AK2: variants seen among roughly 807,000 people sequenced by gnomAD.
AK2 encodes the protein adenylate kinase 2, mitochondrial.
AK2 carries 15 observed loss-of-function variants against 24.6 expected under a neutral mutation model. That is an observed-to-expected ratio of 0.61 (90% CI 0.41 to 0.94). The LOEUF is 0.94. AK2 is among the 40% of genes least tolerant of loss of function. The pLI is 0.00. For missense variants in AK2, 257 were observed against 304.1 expected (o/e 0.85, Z 1.15); for synonymous variants, 102 against 114.0 (o/e 0.90, Z 0.67).
chr1:33,033,342 A>G (rs868568300), intron 1 of AK2, among the ~76,000 whole-genome samples: 1 of 152,094 alleles, frequency 6.6e-6, no homozygotes. Flanking sequence ...GCAACATGGC[A>G]GGACCCCCAT....
intron 5 of AK2, among the ~76,000 whole-genome samples, chr1:33,013,884 T>C (rs1318287207): frequency 2.0e-5 from 3 of 152,202 alleles, no homozygotes; most frequent in Non-Finnish European, 4.4e-5. Flanking sequence ...GAACTTTCAA[T>C]GGTAGAATTA....
chr1:33,014,726 CA>C, intron 4 of AK2, 132 bp from the exon 5 acceptor site: 1 of 759,930 alleles, frequency 1.3e-6, no homozygotes. Flanking sequence ...GCAGAAAATC[CA>C]GCTAAATAAC....
Position 33,013,102 on chromosome 1 carries a change from G to A in AK2, c.*79C>T. On this transcript the variant is annotated 3_prime_UTR_variant, in exon 6 of 6. Transcript: ENST00000672715. ...CAAATGATATTTTTGCTAGCCTGAGGAAGCTTCTCTTTGCCTGTCCTATCA... is the reference window on the plus strand; with the variant it reads ...CAAATGATATTTTTGCTAGCCTGAGAAAGCTTCTCTTTGCCTGTCCTATCA... 1.2e-6 allele frequency: 2 copies of A among 1,612,650 alleles called. No homozygotes were observed. The highest frequency in any genetic ancestry group is 1.3e-5 in the African/African-American group (1 of 75,020).
chr1:33,011,298 C>A lies in AK2; in HGVS notation c.*1883G>T. 1 of 1,291,106 alleles carries A rather than the reference C, an allele frequency of 7.7e-7. No individual in the cohort carries two copies. The highest frequency in any genetic ancestry group is 1.5e-5 in the African/African-American group (1 of 66,108). 80.0% of individuals were successfully genotyped at this position (1,291,106 alleles called of 1,614,324 possible). On this transcript the variant is annotated 3_prime_UTR_variant, in exon 6 of 6. Coordinates refer to ENST00000672715, the MANE Select transcript of AK2 (RefSeq NM_001625.4). ...TCCCAGACCAGGCACACATAGCTGA[C>A]AGTTTTTGTTTCACTCCTCTTCCTT...
At position 33,021,464 on chromosome 1, in the gene AK2, G is replaced by A. The variant is rs759338139; in HGVS notation, c.331-3C>T. The A allele has an allele frequency of 4.3e-6, 7 of 1,613,962 alleles. No individual in the cohort carries two copies. The Admixed American group carries it at 6.7e-5, about 15-fold the overall frequency. ...CTCTTCTCCATGAGGTCATCGAGCT[G>A]TAAAAGAATGTGTGGCCCACCTAAG... is the stretch of plus-strand genomic sequence containing the variant. On this transcript the variant is annotated splice_region_variant and splice_polypyrimidine_tract_variant and intron_variant, in intron 3 of 5. Coordinates refer to ENST00000672715, the MANE Select transcript of AK2 (RefSeq NM_001625.4).
Position 33,013,231 on chromosome 1 carries a change from G to C in AK2, c.670C>G (p.Leu224Val), listed in dbSNP as rs771562640. Reference sequence around the variant, plus strand: ...CATGTGGCTTTGGAGAAGGCTGCTAGGATGCTTGCGAACACGACATCGGGG... The same window carrying C: ...CATGTGGCTTTGGAGAAGGCTGCTACGATGCTTGCGAACACGACATCGGGG... ...QTPDVVFASI[L>V]AAFSKATCKD... The change falls in exon 6 of 6, where the codon CTA becomes GTA. Residue 224 changes from leucine to valine, a missense_variant. By Grantham distance (32) the Leu-to-Val change is conservative. Transcript: ENST00000672715. 13 of 1,613,798 alleles carry C rather than the reference G, an allele frequency of 8.1e-6. No individual in the cohort carries two copies. The highest frequency in any genetic ancestry group is 2.7e-5 in the African/African-American group (2 of 74,914).
At chr1:33,024,593 G>C (rs895413512) in intron 1 of AK2, 26 bp from the exon 2 acceptor site, 1 of 1,614,026 alleles carries the variant, frequency 6.2e-7, no homozygotes, top group Admixed American at 1.7e-5. Context: ...CAAAAACCAA[G>C]ATTCAATTAC....
chr1:33,014,601 G>T lies in AK2; in HGVS notation c.426-7C>A. On this transcript the variant is annotated splice_polypyrimidine_tract_variant and splice_region_variant and intron_variant, in intron 4 of 5. Coordinates refer to ENST00000672715, the MANE Select transcript of AK2 (RefSeq NM_001625.4). ...ACTCTTGGGGTGAATCAGCCTGAAAGACAGCAAATGAATATGAGTTAGGTT... is the reference window on the plus strand; with the variant it reads ...ACTCTTGGGGTGAATCAGCCTGAAATACAGCAAATGAATATGAGTTAGGTT... 2 of 1,609,184 alleles carry T rather than the reference G, an allele frequency of 1.2e-6. No homozygotes were observed. Among genetic ancestry groups the T allele is most frequent in the African/African-American group, 1.3e-5 (1 of 74,874 alleles).
chr1:33,036,680 C>T, intron 1 of AK2, 56 bp downstream of exon 1: 2 of 1,486,432 alleles, frequency 1.3e-6, no homozygotes, highest in South Asian at 1.2e-5. Flanking sequence ...GATCTCCGGC[C>T]GCCTTGACCT....
chr1:33,029,409 CT>C (rs1293934128), intron 1 of AK2: 1,793 of 116,060 alleles, frequency 0.015, 24 homozygotes, highest in Admixed American at 0.056. Context: ...TGATGTTGAA[CT>C]TTTTTTTTTT....
At chr1:33,027,770 A>T (rs1241864476) in intron 1 of AK2, among the ~76,000 whole-genome samples, 2 of 151,858 alleles carry the variant, frequency 1.3e-5, no homozygotes, top group Non-Finnish European at 2.9e-5. Context: ...AAAAAGAAAA[A>T]GAAAAAAAGA....
Position 33,024,474 on chromosome 1 carries a change from T to G in AK2, c.187A>C (p.Lys63Gln), listed in dbSNP as rs1639749395. The change falls in exon 2 of 6, where the codon AAG (lysine) becomes CAG (glutamine). Residue 63 changes from lysine (K) to glutamine (Q), a missense_variant. Lys to Gln is a moderately conservative substitution (Grantham distance 53, BLOSUM62 1). Coordinates refer to ENST00000672715, the MANE Select transcript of AK2 (RefSeq NM_001625.4). ...CCAGCATCCATAGTTGCCTTCAGCT[T>G]TTTTCCTAGCTCTGAGCCAGAAGCC... ...MVASGSELGK[K>Q]LKATMDAGKL... is the part of the protein sequence containing the mutation. 3.1e-6 allele frequency: 5 copies of G among 1,614,074 alleles called. No individual in the cohort carries two copies. Among genetic ancestry groups the G allele is most frequent in the Non-Finnish European group, 4.2e-6 (5 of 1,180,046 alleles).
Position 33,008,088 on chromosome 1 carries a change from T to C in AK2, c.*5093A>G, listed in dbSNP as rs1233346281. ...AGGTCTATGATTTCTAGGGGATCCT[T>C]AGCCTGGTTCCGGATGGTCAGTAAG... On this transcript the variant is annotated 3_prime_UTR_variant, in exon 6 of 6. Transcript: ENST00000672715. The C allele has an allele frequency of 2.2e-6, 1 of 454,158 alleles. No individual in the cohort carries two copies. The highest frequency in any genetic ancestry group is 2.0e-5 in the African/African-American group (1 of 50,138). 28.1% of individuals were successfully genotyped at this position (454,158 alleles called of 1,614,324 possible).
intron 1 of AK2, among the ~76,000 whole-genome samples, chr1:33,028,332 C>T (rs1377690408): frequency 1.3e-5 from 2 of 151,896 alleles, no homozygotes; most frequent in Non-Finnish European, 2.9e-5. Flanking sequence ...GGAGAAACCC[C>T]GTCTCTACTG....
intron 4 of AK2, among the ~76,000 whole-genome samples, chr1:33,017,460 A>T (rs1441458980): frequency 6.6e-6 from 1 of 152,250 alleles, no homozygotes; most frequent in African/African-American, 2.4e-5. Flanking sequence ...GGCTAGGGGC[A>T]TGAGATACGG....
rs1436322381 is a variant in AK2, at chr1:33,009,143, C to A, written c.*4038G>T. 2 of 452,086 alleles carry A rather than the reference C, an allele frequency of 4.4e-6. No homozygotes were observed. Among genetic ancestry groups the A allele is most frequent in the Non-Finnish European group, 8.9e-6 (2 of 225,696 alleles). 28.0% of individuals were successfully genotyped at this position (452,086 alleles called of 1,614,324 possible). A position where few individuals can be genotyped will look rare whatever the true frequency, so the allele number is the denominator to read the frequency against. On this transcript the variant is annotated 3_prime_UTR_variant, in exon 6 of 6. Coordinates refer to ENST00000672715, the MANE Select transcript of AK2 (RefSeq NM_001625.4). Reference sequence around the variant, plus strand: ...ACAGGATTTAATATGTCAGTGAAGACCCTGCCTCTCTCTGTAACAAGATGC... The same window carrying A: ...ACAGGATTTAATATGTCAGTGAAGAACCTGCCTCTCTCTGTAACAAGATGC...
In AK2 at chr1:33,013,378, G is replaced by A. The variant is rs1375379850; in HGVS notation, c.523C>T (p.Arg175Ter). 5.6e-6 allele frequency: 9 copies of A among 1,614,024 alleles called. No homozygotes were observed. In the Admixed American group the frequency reaches 8.3e-5, roughly 15 times the overall value. The change falls in exon 6 of 6, where the codon CGA (arginine) becomes TGA (stop). Residue 175 changes from arginine (R) to a stop codon, truncating the protein, a stop_gained. Coordinates refer to ENST00000672715, the MANE Select transcript of AK2 (RefSeq NM_001625.4). LOFTEE classifies it high-confidence loss of function. ...DDITGEPLIR[R>*]SDDNEKALKI... is the part of the protein sequence containing the mutation. ...AAGGCCTTTTCATTATCATCTGATC[G>A]ACGGATCAAGGGTTCCCCGGTGATC...
intron 4 of AK2, among the ~76,000 whole-genome samples, chr1:33,016,375 C>T (rs959762222): frequency 1.1e-4 from 17 of 152,226 alleles, no homozygotes; most frequent in Admixed American, 7.8e-4. Context: ...CCAAGCCTGG[C>T]TAATTTTTTG....
chr1:33,021,775 C>T, intron 2 of AK2, 72 bp from the exon 3 acceptor site: 2 of 1,199,026 alleles, frequency 1.7e-6, no homozygotes, highest in Non-Finnish European at 2.5e-6. Context: ...CCCAACTCCA[C>T]AGCCAAAAGT....
Sources: allele counts gnomAD v4.1 joint callset (sites outside exome capture counted in the v4.1 genomes callset), GRCh38; gene constraint gnomAD v4.1.1; transcripts MANE v1.5; gene names NCBI Gene and HGNC (gene_info 2026-07-23, HGNC 2026-07-21).